ARL3: variants seen among roughly 807,000 people sequenced by gnomAD.
ARL3 encodes the protein ADP-ribosylation factor-like protein 3.
In ARL3, 9 loss-of-function variants were observed where a neutral mutation model predicts 26.0. The observed-to-expected ratio is 0.35, with a 90% confidence interval of 0.21 to 0.60. ARL3 has a LOEUF of 0.60. ARL3 is among the 20% of genes least tolerant of loss of function. ARL3 has a pLI of 0.78. For synonymous variants in ARL3, 71 were observed against 78.4 expected, an observed-to-expected ratio of 0.91 and a Z score of 0.50; for missense variants, 158 against 215.7, an observed-to-expected ratio of 0.73 and a Z score of 1.67.
intron 3 of ARL3, among the ~76,000 whole-genome samples, chr10:102,694,285 G>A (rs191171910): frequency 3.9e-5 from 6 of 152,264 alleles, no homozygotes; most frequent in Admixed American, 3.9e-4. Context: ...CACCGCGCCC[G>A]GCTGCTTCCA....
At position 102,676,546 on chromosome 10, in the gene ARL3, TTTTTTG is replaced by T; in HGVS notation, c.*342_*347del. On this transcript the variant is annotated 3_prime_UTR_variant, in exon 6 of 6. Transcript: ENST00000260746. ...TTCCTCTTTTTCTTTTTCTTTTTTT[TTTTTTG>T]AGAGGAAAAAAAAGCCCACTGGAAT... 1 of 170,728 alleles carries T rather than the reference TTTTTTG, an allele frequency of 5.9e-6. No homozygotes were observed. Among genetic ancestry groups the T allele is most frequent in the South Asian group, 1.2e-4 (1 of 8,046 alleles). 10.6% of individuals were successfully genotyped at this position (170,728 alleles called of 1,614,324 possible). A position where few individuals can be genotyped will look rare whatever the true frequency, so the allele number is the denominator to read the frequency against.
intron 5 of ARL3, among the ~76,000 whole-genome samples, chr10:102,684,721 C>CT (rs897323317): frequency 6.6e-6 from 1 of 151,782 alleles, no homozygotes; most frequent in African/African-American, 2.4e-5. Context: ...TCACTGGAAC[C>CT]TTCGCCTCCC....
Position 102,703,118 on chromosome 10 carries a change from CTTTTTTTTTT to C in ARL3, c.147+2218_147+2227del, listed in dbSNP as rs1023724116. On this transcript the variant is annotated intron_variant, in intron 2 of 5. Coordinates refer to ENST00000260746, the MANE Select transcript of ARL3 (RefSeq NM_004311.4). ...TACAGTTTTTCCAATCAGGTCTTGT[CTTTTTTTTTT>C]TTTTTTTTTTTTGAGACGGAGTCTC... Among the ~76,000 whole-genome samples, 143 of 101,160 alleles carry C rather than the reference CTTTTTTTTTT, an allele frequency of 1.4e-3. 2 individuals carry two copies. Among genetic ancestry groups the C allele is most frequent in the Non-Finnish European group, 1.3e-4 (7 of 52,610 alleles). The allele number at this position is 101,160 out of a possible 152,430, so 66.4% of individuals were successfully genotyped here.
chr10:102,708,906 ATAT>A (rs1485279364), intron 1 of ARL3, among the ~76,000 whole-genome samples: 2 of 100,192 alleles, frequency 2.0e-5, no homozygotes, highest in African/African-American at 3.8e-5. Flanking sequence ...ATATATATAT[ATAT>A]TTTTTTTTTT....
chr10:102,681,723 G>A (rs967016696), intron 5 of ARL3, among the ~76,000 whole-genome samples: 1 of 152,180 alleles, frequency 6.6e-6, no homozygotes, highest in African/African-American at 2.4e-5. Flanking sequence ...GTTATGGGAG[G>A]AGGCAAGTCT....
intron 4 of ARL3, 65 bp from the exon 5 acceptor site, chr10:102,686,066 CACT>C: frequency 2.6e-6 from 3 of 1,163,188 alleles, no homozygotes; most frequent in Admixed American, 2.5e-5. Flanking sequence ...TTTAACCATA[CACT>C]ACTTTTTTTT....
At chr10:102,714,221 C>T in intron 1 of ARL3, 52 bp downstream of exon 1, 3 of 1,312,982 alleles carry the variant, frequency 2.3e-6, no homozygotes, top group East Asian at 5.6e-5. Context: ...GGCCTGGGGA[C>T]GGGAGGGGGA....
intron 3 of ARL3, among the ~76,000 whole-genome samples, chr10:102,692,184 G>A (rs1246124880): frequency 6.6e-6 from 1 of 152,166 alleles, no homozygotes; most frequent in Non-Finnish European, 1.5e-5. Flanking sequence ...AGCTGTTAGA[G>A]CTTATGATTT....
chr10:102,688,236 A>G (rs139496281), intron 4 of ARL3, among the ~76,000 whole-genome samples: 264 of 152,346 alleles, frequency 1.7e-3, no homozygotes, highest in African/African-American at 6.1e-3. Context: ...CTTAAAACAC[A>G]TGGGCTTTCA....
At chr10:102,681,889 C>T (rs2064157606) in intron 5 of ARL3, among the ~76,000 whole-genome samples, 2 of 152,144 alleles carry the variant, frequency 1.3e-5, no homozygotes. Context: ...GGAACTGTAA[C>T]AGCAGAAAGA....
intron 1 of ARL3, among the ~76,000 whole-genome samples, chr10:102,711,994 C>G (rs527422799): frequency 6.6e-6 from 1 of 152,082 alleles, no homozygotes; most frequent in Admixed American, 6.6e-5. Flanking sequence ...AGAACGACCA[C>G]AAGCTCCATA....
At chr10:102,677,754 C>T (rs1225367571) in intron 5 of ARL3, among the ~76,000 whole-genome samples, 1 of 152,176 alleles carries the variant, frequency 6.6e-6, no homozygotes, top group Non-Finnish European at 1.5e-5. Flanking sequence ...GTCTCCCCAA[C>T]CTTCAAGAGT....
intron 4 of ARL3, among the ~76,000 whole-genome samples, chr10:102,687,789 A>T (rs1403171565): frequency 6.6e-6 from 1 of 152,134 alleles, no homozygotes; most frequent in Non-Finnish European, 1.5e-5. Flanking sequence ...AGCCTAACAA[A>T]GTGCTAGAAT....
intron 3 of ARL3, among the ~76,000 whole-genome samples, chr10:102,696,396 C>A (rs146213793): frequency 0.028 from 4,306 of 151,710 alleles, 81 homozygotes; most frequent in Admixed American, 0.041. Flanking sequence ...TCCCAAATAG[C>A]TGGGATTACA....
intron 1 of ARL3, among the ~76,000 whole-genome samples, chr10:102,712,577 A>G (rs2064348239): frequency 6.6e-6 from 1 of 152,216 alleles, no homozygotes; most frequent in Non-Finnish European, 1.5e-5. Flanking sequence ...TACTGTGCCA[A>G]TTTGCACCTG....
At chr10:102,709,068 C>A (rs190273662) in intron 1 of ARL3, among the ~76,000 whole-genome samples, 6 of 151,230 alleles carry the variant, frequency 4.0e-5, no homozygotes, top group African/African-American at 1.5e-4. Flanking sequence ...CCGCACCCAG[C>A]TAATTTTGTG....
intron 3 of ARL3, among the ~76,000 whole-genome samples, chr10:102,693,371 TA>T (rs1202219530): frequency 6.6e-6 from 1 of 152,162 alleles, no homozygotes; most frequent in Non-Finnish European, 1.5e-5. Context: ...GTTTTTTTTT[TA>T]TTTTAGCCAG....
intron 1 of ARL3, among the ~76,000 whole-genome samples, chr10:102,710,807 C>A (rs750660088): frequency 6.6e-6 from 1 of 152,194 alleles, no homozygotes; most frequent in Non-Finnish European, 1.5e-5. Context: ...ACAAACTTTT[C>A]TACAGTCAAA....
At chr10:102,696,164 C>T (rs2064246458) in intron 3 of ARL3, among the ~76,000 whole-genome samples, 2 of 151,554 alleles carry the variant, frequency 1.3e-5, no homozygotes, top group South Asian at 4.2e-4. Flanking sequence ...CGGGGTTTCA[C>T]CGTGTTAGCC....
Sources: allele counts gnomAD v4.1 joint callset (sites outside exome capture counted in the v4.1 genomes callset), GRCh38; gene constraint gnomAD v4.1.1; transcripts MANE v1.5; gene names NCBI Gene and HGNC (gene_info 2026-07-23, HGNC 2026-07-21).